The following MAN1A1 variants were observed in gnomAD, a reference collection of about 807,000 sequenced individuals.
MAN1A1 encodes the protein mannosyl-oligosaccharide 1,2-alpha-mannosidase IA.
In MAN1A1, 29 loss-of-function variants were observed where a neutral mutation model predicts 70.8. That is an observed-to-expected ratio of 0.41 (90% CI 0.31 to 0.56). The LOEUF (loss-of-function observed/expected upper bound fraction) is 0.56. Ranked by LOEUF, MAN1A1 falls within the 20% of genes least tolerant of loss-of-function variation. The pLI is 0.29. For missense variants in MAN1A1, 747 were observed against 841.3 expected (o/e 0.89, Z 1.39); for synonymous variants, 349 against 330.1 (o/e 1.06, Z -0.62).
chr6:119,212,030 C>T (rs200278330), intron 6 of MAN1A1, among the ~76,000 whole-genome samples: 37 of 151,658 alleles, frequency 2.4e-4, no homozygotes, highest in African/African-American at 7.3e-4. Context: ...TTAGCAGAGA[C>T]GGGGTTTCAC....
Position 119,179,576 on chromosome 6 carries a change from A to G in MAN1A1, c.*243T>C. The G allele has an allele frequency of 3.5e-6, 1 of 286,464 alleles. No homozygotes were observed. The allele number at this position is 286,464 out of a possible 1,614,324, so 17.7% of individuals were successfully genotyped here. On this transcript the variant is annotated 3_prime_UTR_variant, in exon 13 of 13. Coordinates refer to ENST00000368468, the MANE Select transcript of MAN1A1 (RefSeq NM_005907.4). ...TTACACCTTCATGAAATCCAGAGAT[A>G]ATAGGTTACTTAAAAACATAAACAA...
intron 9 of MAN1A1, among the ~76,000 whole-genome samples, chr6:119,192,533 C>T (rs1773468322): frequency 6.6e-6 from 1 of 152,100 alleles, no homozygotes; most frequent in Admixed American, 6.5e-5. Context: ...AAAAAGTACG[C>T]CTATGTCAAA....
chr6:119,228,411 T>C (rs961490523), intron 6 of MAN1A1, among the ~76,000 whole-genome samples: 1 of 152,132 alleles, frequency 6.6e-6, no homozygotes, highest in South Asian at 2.1e-4. Context: ...ATAGTGATAA[T>C]TTTCAAAAAT....
intron 4 of MAN1A1, among the ~76,000 whole-genome samples, chr6:119,292,395 A>G (rs1374282469): frequency 1.3e-5 from 2 of 151,990 alleles, no homozygotes; most frequent in Non-Finnish European, 2.9e-5. Context: ...AAATCATGGG[A>G]TATTATTTCC....
In MAN1A1 at chr6:119,280,742, C is replaced by A. The variant is rs534198926; in HGVS notation, c.897+9941G>T. ...CAGGCAAAAATCTGTGTTAGAAATC[C>A]ATGTCAATATGACTCAGGCAATAAA... On this transcript the variant is annotated intron_variant, in intron 5 of 12. Transcript: ENST00000368468. Among the ~76,000 whole-genome samples the A allele has an allele frequency of 4.6e-5, 7 of 152,252 alleles. No individual in the cohort carries two copies. In the South Asian group the frequency reaches 1.5e-3, roughly 32 times the overall value.
At chr6:119,263,107 T>C (rs919746618) in intron 5 of MAN1A1, among the ~76,000 whole-genome samples, 2 of 152,184 alleles carry the variant, frequency 1.3e-5, no homozygotes, top group Non-Finnish European at 2.9e-5. Context: ...GTTTGGGGAC[T>C]TGGACTGGTT....
At chr6:119,201,041 T>G (rs76391706) in intron 8 of MAN1A1, among the ~76,000 whole-genome samples, 1 of 152,228 alleles carries the variant, frequency 6.6e-6, no homozygotes, top group Non-Finnish European at 1.5e-5. Context: ...AATGTGCTTA[T>G]ATGTCATCAC....
At chr6:119,321,550 C>T (rs994456490) in intron 2 of MAN1A1, among the ~76,000 whole-genome samples, 2 of 152,030 alleles carry the variant, frequency 1.3e-5, no homozygotes, top group Admixed American at 6.6e-5. Flanking sequence ...ACTAACTACT[C>T]ACCTTTGAAT....
At chr6:119,184,147 C>T (rs371558541) in intron 11 of MAN1A1, among the ~76,000 whole-genome samples, 138 of 152,250 alleles carry the variant, frequency 9.1e-4, no homozygotes, top group African/African-American at 3.2e-3. Flanking sequence ...ATTCTATCAG[C>T]ATCTCAACAG....
chr6:119,296,716 GAA>G (rs3839395), intron 4 of MAN1A1, among the ~76,000 whole-genome samples: 31 of 148,440 alleles, frequency 2.1e-4, no homozygotes, highest in Non-Finnish European at 2.7e-4. Flanking sequence ...TAACATTAAA[GAA>G]AAAAAAAAAG....
At chr6:119,306,780 A>C in intron 3 of MAN1A1, 116 bp downstream of exon 3, 1 of 720,174 alleles carries the variant, frequency 1.4e-6, no homozygotes. Context: ...CAGGTGTGCA[A>C]GTTTCCTAAC....
chr6:119,296,659 G>A (rs1398036259), intron 4 of MAN1A1, among the ~76,000 whole-genome samples: 1 of 151,858 alleles, frequency 6.6e-6, no homozygotes, highest in Non-Finnish European at 1.5e-5. Flanking sequence ...TTACTTTCTT[G>A]AAAAGTAGGA....
chr6:119,291,905 T>C (rs898162120), intron 4 of MAN1A1, among the ~76,000 whole-genome samples: 3 of 152,102 alleles, frequency 2.0e-5, no homozygotes, highest in Non-Finnish European at 4.4e-5. Flanking sequence ...TAGACTCTTT[T>C]AGTCCTCACA....
intron 2 of MAN1A1, among the ~76,000 whole-genome samples, chr6:119,347,891 C>T (rs1020006160): frequency 2.0e-5 from 3 of 152,234 alleles, no homozygotes; most frequent in Non-Finnish European, 4.4e-5. Context: ...ATACAAGAGG[C>T]AGCCGACTGG....
chr6:119,330,097 T>C (rs1470653707), intron 2 of MAN1A1, among the ~76,000 whole-genome samples: 1 of 152,228 alleles, frequency 6.6e-6, no homozygotes, highest in East Asian at 1.9e-4. Flanking sequence ...CTTGGGCTTC[T>C]AAGCCCTTGA....
intron 6 of MAN1A1, among the ~76,000 whole-genome samples, chr6:119,205,407 G>A (rs950231494): frequency 2.0e-5 from 3 of 152,056 alleles, no homozygotes; most frequent in African/African-American, 4.8e-5. Context: ...CCTTTCTTAC[G>A]TGTATCTTCA....
At chr6:119,205,651 C>T (rs897961695) in intron 6 of MAN1A1, among the ~76,000 whole-genome samples, 9 of 152,276 alleles carry the variant, frequency 5.9e-5, no homozygotes, top group African/African-American at 2.2e-4. Context: ...CATAAAGTGA[C>T]TCCTGAGACA....
intron 8 of MAN1A1, among the ~76,000 whole-genome samples, chr6:119,199,623 G>A (rs1437839492): frequency 6.6e-6 from 1 of 151,954 alleles, no homozygotes; most frequent in Admixed American, 6.6e-5. Context: ...AGAATACAAT[G>A]GGGGCTGGTG....
At chr6:119,270,994 A>G (rs1775908059) in intron 5 of MAN1A1, among the ~76,000 whole-genome samples, 1 of 152,172 alleles carries the variant, frequency 6.6e-6, no homozygotes, top group South Asian at 2.1e-4. Flanking sequence ...TCCACCAACT[A>G]CTTTCTCTTC....
Sources: gnomAD v4.1 joint callset for allele counts (sites outside exome capture counted in the v4.1 genomes callset) on GRCh38, gnomAD v4.1.1 for gene constraint, MANE v1.5 for transcripts, NCBI Gene and HGNC (gene_info 2026-07-23, HGNC 2026-07-21) for gene names.